MARCHF1: variants seen among roughly 807,000 people sequenced by gnomAD.
MARCHF1 encodes the protein membrane associated ring-CH-type finger 1, also known as E3 ubiquitin-protein ligase MARCHF1.
In MARCHF1, 40 loss-of-function variants were observed where a neutral mutation model predicts 54.2. The ratio of observed to expected loss-of-function variants is 0.74; its 90% confidence interval spans 0.57 to 0.96. The LOEUF is 0.96. Ranked by LOEUF, MARCHF1 falls within the 40% of genes least tolerant of loss-of-function variation. The pLI is 0.00. For missense variants in MARCHF1, 586 were observed against 656.5 expected (o/e 0.89, Z 1.17); for synonymous variants, 236 against 236.3 (o/e 1.00, Z 0.01).
chr4:163,626,269 T>C (rs1017252327), intron 5 of MARCHF1, among the ~76,000 whole-genome samples: 3 of 152,224 alleles, frequency 2.0e-5, no homozygotes, highest in Admixed American at 2.0e-4. Context: ...TAGTGGCATC[T>C]AGGCCATGAT....
intron 8 of MARCHF1, among the ~76,000 whole-genome samples, chr4:163,582,557 A>G (rs1044394818): frequency 3.9e-5 from 6 of 152,212 alleles, no homozygotes; most frequent in African/African-American, 1.4e-4. Flanking sequence ...ACTTTAAGAA[A>G]TCATTTCATC....
intron 4 of MARCHF1, among the ~76,000 whole-genome samples, chr4:163,781,959 A>G (rs1747477640): frequency 1.3e-5 from 2 of 152,152 alleles, no homozygotes; most frequent in African/African-American, 4.8e-5. Flanking sequence ...TACATAGGTG[A>G]AGTCAGATAA....
intron 3 of MARCHF1, among the ~76,000 whole-genome samples, chr4:163,971,243 C>T (rs1752541713): frequency 6.6e-6 from 1 of 152,144 alleles, no homozygotes; most frequent in South Asian, 2.1e-4. Context: ...AGGCAGGATG[C>T]TGCAGTATTA....
chr4:163,588,762 C>A (rs1446419681), intron 7 of MARCHF1, among the ~76,000 whole-genome samples: 1 of 152,024 alleles, frequency 6.6e-6, no homozygotes, highest in Non-Finnish European at 1.5e-5. Flanking sequence ...GCTGCAGAGA[C>A]CATCTGGCTG....
At chr4:163,636,069 A>T (rs528792728) in intron 5 of MARCHF1, among the ~76,000 whole-genome samples, 63 of 152,310 alleles carry the variant, frequency 4.1e-4, no homozygotes, top group South Asian at 1.5e-3. Context: ...AACTCTCAAT[A>T]AATTAGGTAT....
At chr4:164,168,001 C>A (rs9990801) in intron 1 of MARCHF1, among the ~76,000 whole-genome samples, 28,652 of 151,666 alleles carry the variant, frequency 0.19, 4,324 homozygotes, top group African/African-American at 0.41. Flanking sequence ...ACTCGGAAAA[C>A]ATATTTGTAA....
intron 2 of MARCHF1, among the ~76,000 whole-genome samples, chr4:164,058,198 C>G (rs1004251988): frequency 6.6e-6 from 1 of 152,092 alleles, no homozygotes; most frequent in Non-Finnish European, 1.5e-5. Context: ...TGCAACAAAC[C>G]ACCATGGCAC....
At chr4:163,890,779 G>T (rs1206768758) in intron 3 of MARCHF1, among the ~76,000 whole-genome samples, 4 of 152,008 alleles carry the variant, frequency 2.6e-5, no homozygotes, top group Non-Finnish European at 4.4e-5. Flanking sequence ...AAAGTGCTGG[G>T]ATTATAGGTT....
chr4:164,342,083 T>C (rs1729947239), intron 1 of MARCHF1, among the ~76,000 whole-genome samples: 1 of 151,874 alleles, frequency 6.6e-6, no homozygotes, highest in South Asian at 2.1e-4. Context: ...CTACAATATA[T>C]AAGAAAATCA....
intron 1 of MARCHF1, among the ~76,000 whole-genome samples, chr4:164,371,953 A>G (rs1187525039): frequency 6.6e-6 from 1 of 152,214 alleles, no homozygotes; most frequent in East Asian, 1.9e-4. Context: ...TTTCACTCAA[A>G]TTATATTTTA....
chr4:164,171,418 C>T (rs1380616382), intron 1 of MARCHF1, among the ~76,000 whole-genome samples: 1 of 152,006 alleles, frequency 6.6e-6, no homozygotes, highest in Non-Finnish European at 1.5e-5. Flanking sequence ...TATGTCTACC[C>T]ACTTGATTTG....
chr4:163,589,449 T>C (rs572578125), intron 7 of MARCHF1, among the ~76,000 whole-genome samples: 2 of 152,256 alleles, frequency 1.3e-5, no homozygotes, highest in Non-Finnish European at 2.9e-5. Flanking sequence ...TATATATTTT[T>C]AGCATTTTGA....
intron 3 of MARCHF1, among the ~76,000 whole-genome samples, chr4:163,961,030 C>T (rs1038617811): frequency 6.6e-6 from 1 of 151,756 alleles, no homozygotes; most frequent in Admixed American, 6.6e-5. Flanking sequence ...CTCTGTCTCT[C>T]TTTTTCAATA....
At chr4:164,245,235 C>T (rs1261075086) in intron 1 of MARCHF1, among the ~76,000 whole-genome samples, 2 of 152,144 alleles carry the variant, frequency 1.3e-5, no homozygotes, top group Non-Finnish European at 2.9e-5. Context: ...ATGAATCCAG[C>T]AGCACATCAA....
At chr4:163,633,299 A>G (rs1742178534) in intron 5 of MARCHF1, among the ~76,000 whole-genome samples, 1 of 152,158 alleles carries the variant, frequency 6.6e-6, no homozygotes. Context: ...AATTACTCTG[A>G]GCTATGGGAG....
chr4:164,022,018 C>T (rs1014677364), intron 2 of MARCHF1, among the ~76,000 whole-genome samples: 41 of 152,084 alleles, frequency 2.7e-4, no homozygotes, highest in African/African-American at 6.7e-4. Context: ...GAGTAAAAGC[C>T]TTCCATCAAT....
At chr4:164,099,458 A>C (rs1423009930) in intron 2 of MARCHF1, among the ~76,000 whole-genome samples, 1 of 152,192 alleles carries the variant, frequency 6.6e-6, no homozygotes, top group Non-Finnish European at 1.5e-5. Flanking sequence ...ACCTCATTGA[A>C]ATAAAAATCA....
intron 3 of MARCHF1, among the ~76,000 whole-genome samples, chr4:163,915,080 TA>T (rs1751278970): frequency 6.6e-6 from 1 of 152,186 alleles, no homozygotes; most frequent in African/African-American, 2.4e-5. Context: ...TTGGGGGTTT[TA>T]AACAGGAGCA....
rs530478460 is a variant in MARCHF1, at chr4:163,802,700, A to G, written c.111+51321T>C. On this transcript the variant is annotated intron_variant, in intron 4 of 9. Transcript: ENST00000514618. ...AACCAAAATTTCACTTGACTGGCCC[A>G]GGGCTTATACTCTGTAACTTTGCAC... Among the ~76,000 whole-genome samples, 15 of 152,332 alleles carry G rather than the reference A, an allele frequency of 9.8e-5. No homozygotes were observed. The South Asian group carries it at 3.1e-3, about 32-fold the overall frequency.
Sources: allele counts gnomAD v4.1 joint callset (sites outside exome capture counted in the v4.1 genomes callset), GRCh38; gene constraint gnomAD v4.1.1; transcripts MANE v1.5; gene names NCBI Gene and HGNC (gene_info 2026-07-23, HGNC 2026-07-21).